KHSRP: variants seen among roughly 807,000 people sequenced by gnomAD.
The protein encoded by KHSRP is far upstream element-binding protein 2.
In KHSRP, 13 loss-of-function variants were observed where a neutral mutation model predicts 94.9. That is an observed-to-expected ratio of 0.14 (90% CI 0.09 to 0.22). The LOEUF (loss-of-function observed/expected upper bound fraction) is 0.22. Ranked by LOEUF, KHSRP falls within the 10% of genes least tolerant of loss-of-function variation. KHSRP has a pLI of 1.00. For missense variants in KHSRP, 710 were observed against 1,010.0 expected (o/e 0.70, Z 4.03); for synonymous variants, 495 against 401.4 (o/e 1.23, Z -2.79).
At position 6,424,744 on chromosome 19, in the gene KHSRP, A is replaced by T; in HGVS notation, c.-43T>A. 1.1e-6 allele frequency: 1 copy of T among 922,914 alleles called. No individual in the cohort carries two copies. Among genetic ancestry groups the T allele is most frequent in the Non-Finnish European group, 1.3e-6 (1 of 758,150 alleles). 57.2% of individuals were successfully genotyped at this position (922,914 alleles called of 1,614,324 possible). The stretch of plus-strand genomic sequence containing the variant: ...CCTGGCGCGGAGGCTGAAGCTGAGG[A>T]GGCGGCGGCGGCGGCGGCGGCTCAA... On this transcript the variant is annotated 5_prime_UTR_variant, in exon 1 of 19. Transcript: ENST00000600480.
At chr19:6,424,352 C>A (rs1179248645) in intron 1 of KHSRP, 101 bp downstream of exon 1, 1 of 444,092 alleles carries the variant, frequency 2.3e-6, no homozygotes, top group Non-Finnish European at 3.0e-6. Context: ...CGGCCCCGGC[C>A]CCCCTCCGCG....
Position 6,418,107 on chromosome 19 carries a change from T to G in KHSRP, c.880-28A>C, listed in dbSNP as rs564346061. On this transcript the variant is annotated intron_variant, in intron 9 of 18. Coordinates refer to ENST00000600480, the MANE Select transcript of KHSRP (RefSeq NM_001366299.1). The surrounding 1 kb of genome is among the most constrained non-coding windows in gnomAD (Gnocchi z 4.3). ...GCAAACACACAGGAAGCAGCCCCCATGGGTGAGCCCTGCTGCCCCACACCC... is the reference window on the plus strand; with the variant it reads ...GCAAACACACAGGAAGCAGCCCCCAGGGGTGAGCCCTGCTGCCCCACACCC... The G allele has an allele frequency of 1.7e-5, 27 of 1,603,984 alleles. No individual in the cohort carries two copies. The highest frequency in any genetic ancestry group is 3.3e-5 in the Admixed American group (2 of 59,862).
At position 6,418,792 on chromosome 19, in the gene KHSRP, G is replaced by A. The variant is rs756798336; in HGVS notation, c.690C>T (p.Gly230=). The A allele has an allele frequency of 8.1e-6, 13 of 1,600,446 alleles. No individual in the cohort carries two copies. The African/African-American group carries it at 1.2e-4, about 15-fold the overall frequency. Residue 230 remains glycine (G), a synonymous_variant, in exon 8 of 19, where the codon GGC becomes GGT. Transcript: ENST00000600480. This position sits in a 1 kb window ranked among gnomAD's most constrained non-coding sequence, Gnocchi z 4.3. ...TGATCTCCTGCACGGTGCCGTTCTG[G>A]CCCCCGTTGGCGTTGTCGTGGAACT... ...PGQFHDNANG[G]QNGTVQEIMI... is the part of the protein sequence containing the mutation.
At position 6,416,437 on chromosome 19, in the gene KHSRP, T is replaced by C. The variant is rs559739712; in HGVS notation, c.1489-30A>G. 13 of 1,613,036 alleles carry C rather than the reference T, an allele frequency of 8.1e-6. No homozygotes were observed. The East Asian group carries it at 2.7e-4, about 33-fold the overall frequency. ...AAGGAAGGAGAGTAACCAAGGTAAG[T>C]GGGCTGGGATCCGGGCTGTGAGACC... On this transcript the variant is annotated intron_variant, in intron 14 of 18. Coordinates refer to ENST00000600480, the MANE Select transcript of KHSRP (RefSeq NM_001366299.1).
chr19:6,415,473 G>A lies in KHSRP; in HGVS notation c.1889-16C>T. ...GGCTGCTGGCCTGTGCGGGCGCCGA[G>A]ACAGGTCAGAAACCACTCCCCCGGC... is the stretch of plus-strand genomic sequence containing the variant. On this transcript the variant is annotated splice_polypyrimidine_tract_variant and intron_variant, in intron 17 of 18. Coordinates refer to ENST00000600480, the MANE Select transcript of KHSRP (RefSeq NM_001366299.1). 1 of 1,553,290 alleles carries A rather than the reference G, an allele frequency of 6.4e-7. No individual in the cohort carries two copies. The highest frequency in any genetic ancestry group is 1.2e-5 in the South Asian group (1 of 84,260).
rs770814941 is a variant in KHSRP at position 6,416,520 on chromosome 19, G to A, written c.1458C>T (p.His486=). Residue 486 remains histidine (H), a synonymous_variant, in exon 14 of 19, where the codon CAC becomes CAT. Coordinates refer to ENST00000600480, the MANE Select transcript of KHSRP (RefSeq NM_001366299.1). ...TCTTTTCCTCGATAAGCTGCTTGGCGTGGTCAATCTGCTGGGGTGAACCCC... is the reference window on the plus strand; with the variant it reads ...TCTTTTCCTCGATAAGCTGCTTGGCATGGTCAATCTGCTGGGGTGAACCCC... ...IIRGSPQQID[H]AKQLIEEKIE... 2.3e-5 allele frequency: 37 copies of A among 1,613,446 alleles called. No individual in the cohort carries two copies. Among genetic ancestry groups the A allele is most frequent in the South Asian group, 4.4e-5 (4 of 91,050 alleles).
At position 6,413,556 on chromosome 19, in the gene KHSRP, T is replaced by A. The variant is rs1599232891; in HGVS notation, c.*1468A>T. 1 of 218,096 alleles carries A rather than the reference T, an allele frequency of 4.6e-6. No homozygotes were observed. Among genetic ancestry groups the A allele is most frequent in the Admixed American group, 5.6e-5 (1 of 17,906 alleles). The allele number at this position is 218,096 out of a possible 1,614,324, so 13.5% of individuals were successfully genotyped here. ...GGAGGGAGAGAAGAGGGGGCTTGGC[T>A]GCTGGGGGAAGGGGTCCTGCAATAC... is the stretch of plus-strand genomic sequence containing the variant. On this transcript the variant is annotated 3_prime_UTR_variant, in exon 19 of 19. Coordinates refer to ENST00000600480, the MANE Select transcript of KHSRP (RefSeq NM_001366299.1).
chr19:6,414,609 C>T lies in KHSRP; in HGVS notation c.*415G>A, dbSNP rs1487742341. The T allele has an allele frequency of 8.9e-6, 9 of 1,009,406 alleles. No individual in the cohort carries two copies. The highest frequency in any genetic ancestry group is 1.1e-5 in the Non-Finnish European group (9 of 846,502). 62.5% of individuals were successfully genotyped at this position (1,009,406 alleles called of 1,614,324 possible). A position where few individuals can be genotyped will look rare whatever the true frequency, so the allele number is the denominator to read the frequency against. On this transcript the variant is annotated 3_prime_UTR_variant, in exon 19 of 19. Transcript: ENST00000600480. Reference sequence around the variant, plus strand: ...GGGCAGGGGCCTGGGCCGCTCCCCGCGTCCCCACCAGTCCCTGCCAGAGCC... The same window carrying T: ...GGGCAGGGGCCTGGGCCGCTCCCCGTGTCCCCACCAGTCCCTGCCAGAGCC...
intron 1 of KHSRP, chr19:6,423,998 G>A (rs147016450): frequency 2.0e-5 from 3 of 152,522 alleles, no homozygotes; most frequent in South Asian, 2.1e-4. Context: ...GAAGAGGAAG[G>A]ACTGTCCCTC....
At chr19:6,420,317 A>T in intron 5 of KHSRP, 105 bp downstream of exon 5, 1 of 1,213,036 alleles carries the variant, frequency 8.2e-7, no homozygotes, top group Non-Finnish European at 1.2e-6. Context: ...TGAGAACAGC[A>T]CATAGGAGCC....
chr19:6,421,797 C>G lies in KHSRP; in HGVS notation c.347-109G>C, dbSNP rs1599244760. On this transcript the variant is annotated intron_variant, in intron 2 of 18. Transcript: ENST00000600480. ...TAAACAGTGCCCCTCGGCCCCCACC[C>G]TTAACAGGAGCTGAGACAGGAGCCC... 1.1e-4 allele frequency: 145 copies of G among 1,311,958 alleles called. 1 individual carries two copies. In the East Asian group the frequency reaches 3.3e-3, roughly 30 times the overall value. 81.3% of individuals were successfully genotyped at this position (1,311,958 alleles called of 1,614,324 possible). A position where few individuals can be genotyped will look rare whatever the true frequency, so the allele number is the denominator to read the frequency against.
In KHSRP at chr19:6,415,476, A is replaced by G; in HGVS notation, c.1889-19T>C. 1 of 1,552,762 alleles carries G rather than the reference A, an allele frequency of 6.4e-7. No individual in the cohort carries two copies. The highest frequency in any genetic ancestry group is 2.4e-5 in the East Asian group (1 of 41,038). On this transcript the variant is annotated intron_variant, in intron 17 of 18. Transcript: ENST00000600480. ...TGCTGGCCTGTGCGGGCGCCGAGAC[A>G]GGTCAGAAACCACTCCCCCGGCAGG...
rs67354590 is a variant in KHSRP at position 6,413,132 on chromosome 19, CAAAA to C, written c.*1888_*1891del. ...TTTAAACAAAAAGCACTTTATTTAA[CAAAA>C]AAAAAAAAGGGGGGGGGGCACGGTT... On this transcript the variant is annotated 3_prime_UTR_variant, in exon 19 of 19. Coordinates refer to ENST00000600480, the MANE Select transcript of KHSRP (RefSeq NM_001366299.1). 2.9e-5 allele frequency among the ~76,000 whole-genome samples: 3 copies of C among 103,378 alleles called. No homozygotes were observed. The highest frequency in any genetic ancestry group is 1.0e-4 in the African/African-American group (3 of 28,836). The allele number at this position is 103,378 out of a possible 152,430, so 67.8% of individuals were successfully genotyped here.
chr19:6,422,481 C>T (rs765697571), intron 1 of KHSRP, 45 bp from the exon 2 acceptor site: 51 of 1,405,712 alleles, frequency 3.6e-5, no homozygotes, highest in Non-Finnish European at 4.8e-5. Context: ...CCAAAAACAA[C>T]CCTCCATGGC....
Position 6,420,502 on chromosome 19 carries a change from C to G in KHSRP, c.426-31G>C, listed in dbSNP as rs764132052. The G allele has an allele frequency of 1.2e-5, 19 of 1,609,406 alleles. No individual in the cohort carries two copies. In the East Asian group the frequency reaches 4.2e-4, roughly 36 times the overall value. On this transcript the variant is annotated intron_variant, in intron 4 of 18. Coordinates refer to ENST00000600480, the MANE Select transcript of KHSRP (RefSeq NM_001366299.1). ...AAGAGACACGCCAAAGGTCAGTCCTCAAGTGGGAAGGGAGGAGGACAGCAG... is the reference window on the plus strand; with the variant it reads ...AAGAGACACGCCAAAGGTCAGTCCTGAAGTGGGAAGGGAGGAGGACAGCAG...
At position 6,416,375 on chromosome 19, in the gene KHSRP, A is replaced by T. The variant is rs749520087; in HGVS notation, c.1521T>A (p.Gly507=). 30 of 1,612,562 alleles carry T rather than the reference A, an allele frequency of 1.9e-5. No homozygotes were observed. Among genetic ancestry groups the T allele is most frequent in the Non-Finnish European group, 2.5e-5 (30 of 1,179,516 alleles). Reference sequence around the variant, plus strand: ...CCATTGGGCCAGCAGGGCCTGGGCCACCTGGGCCTGGTCCAACTGGGCAGA... The same window carrying T: ...CCATTGGGCCAGCAGGGCCTGGGCCTCCTGGGCCTGGTCCAACTGGGCAGA... ...GPLCPVGPGP[G]GPGPAGPMGP... Residue 507 remains glycine (G), a synonymous_variant, in exon 15 of 19, where the codon GGT becomes GGA. Coordinates refer to ENST00000600480, the MANE Select transcript of KHSRP (RefSeq NM_001366299.1).
In KHSRP at chr19:6,415,566, G is replaced by C. The variant is rs2092137768; in HGVS notation, c.1856C>G (p.Thr619Ser). Reference protein sequence around the residue: ...QPPPTGQSDYTKAWEEYYKKI... With the variant: ...QPPPTGQSDYSKAWEEYYKKI... ...TTTGTAATACTCTTCCCAGGCCTTAGTGTAGTCCGACTGGCCGGTGGGTGG... is the reference window on the plus strand; with the variant it reads ...TTTGTAATACTCTTCCCAGGCCTTACTGTAGTCCGACTGGCCGGTGGGTGG... Residue 619 changes from threonine to serine, a missense_variant, in exon 17 of 19, where the codon ACT becomes AGT. Around this residue, in one of 5 missense-constraint regions of KHSRP, gnomAD observed 292 missense variants for 340.5 expected, o/e 0.86. Coordinates refer to ENST00000600480, the MANE Select transcript of KHSRP (RefSeq NM_001366299.1). The C allele has an allele frequency of 6.6e-7, 1 of 1,526,626 alleles. No individual in the cohort carries two copies. Among genetic ancestry groups the C allele is most frequent in the Non-Finnish European group, 8.8e-7 (1 of 1,135,822 alleles). The allele number at this position is 1,526,626 out of a possible 1,614,324, so 94.6% of individuals were successfully genotyped here. A position where few individuals can be genotyped will look rare whatever the true frequency, so the allele number is the denominator to read the frequency against.
intron 1 of KHSRP, 78 bp from the exon 2 acceptor site, chr19:6,422,514 A>G: frequency 9.5e-7 from 1 of 1,056,616 alleles, no homozygotes; most frequent in Non-Finnish European, 1.5e-6. Flanking sequence ...TTCTCAGAAC[A>G]TCTCCTGGAC....
At chr19:6,422,635 T>C (rs780282984) in intron 1 of KHSRP, among the ~76,000 whole-genome samples, 199 bp from the exon 2 acceptor site, 4 of 152,172 alleles carry the variant, frequency 2.6e-5, no homozygotes, top group South Asian at 4.1e-4. Flanking sequence ...ACCAGTTAAC[T>C]GGGAATATCA....
Sources: allele counts gnomAD v4.1 joint callset (sites outside exome capture counted in the v4.1 genomes callset), GRCh38; gene constraint gnomAD v4.1.1; regional missense constraint gnomAD v4.1.1; non-coding constraint Gnocchi (gnomAD v3.1); transcripts MANE v1.5; gene names NCBI Gene and HGNC (gene_info 2026-07-23, HGNC 2026-07-21).